Variants in CTIF observed in about 807,000 individuals in gnomAD.
CTIF encodes cap binding complex dependent translation initiation factor.
Under a neutral mutation model 66.0 loss-of-function variants are expected in CTIF, and 21 were observed. The ratio of observed to expected loss-of-function variants is 0.32; its 90% CI spans 0.23 to 0.46. The LOEUF (loss-of-function observed/expected upper bound fraction) is 0.46, where lower values mean the gene tolerates loss of function less well. Among genes scored for constraint, CTIF ranks in the 20% least tolerant of loss-of-function variants. The pLI, the probability that CTIF is intolerant of heterozygous loss-of-function variation, is 1.00. For missense variants in CTIF, 739 were observed against 812.7 expected, an observed-to-expected ratio of 0.91 and a Z score of 1.10; for synonymous variants, 345 against 326.4, an observed-to-expected ratio of 1.06 and a Z score of -0.62.
chr18:48,820,493 T>A lies in CTIF; in HGVS notation c.1527+3117T>A, dbSNP rs577448881. ...CACTTTGCCCTGAGATCCCCCCAAC[T>A]CCCAGAACCACCCGCAGGCCCACAT... On this transcript the variant is annotated intron_variant, in intron 10 of 11. Transcript: ENST00000256413. Among the ~76,000 whole-genome samples the A allele has an allele frequency of 2.0e-5, 3 of 151,940 alleles. No homozygotes were observed. The South Asian group carries it at 6.3e-4, about 32-fold the overall frequency.
At chr18:48,653,087 C>G (rs1462211533) in intron 3 of CTIF, among the ~76,000 whole-genome samples, 2 of 152,182 alleles carry the variant, frequency 1.3e-5, no homozygotes, top group Non-Finnish European at 2.9e-5. Context: ...GATGCCCTCT[C>G]TCACCACTCC....
At chr18:48,558,576 G>A (rs544270186) in intron 1 of CTIF, among the ~76,000 whole-genome samples, 2 of 152,196 alleles carry the variant, frequency 1.3e-5, no homozygotes, top group Non-Finnish European at 2.9e-5. Context: ...TTGTAATTTC[G>A]AGTCACAAAA....
Position 48,636,696 on chromosome 18 carries a change from A to G in CTIF, c.252+11A>G. 1 of 1,584,198 alleles carries G rather than the reference A, an allele frequency of 6.3e-7. No individual in the cohort carries two copies. Among genetic ancestry groups the G allele is most frequent in the Non-Finnish European group, 8.6e-7 (1 of 1,167,840 alleles). ...GCCCCCCCACAGCAGGTAGGGAACC[A>G]GCTCTGCGCTCTGTCTGGGGGTGTC... On this transcript the variant is annotated intron_variant, in intron 3 of 11. Transcript: ENST00000256413.
intron 9 of CTIF, among the ~76,000 whole-genome samples, chr18:48,767,118 A>T (rs1488390216): frequency 1.3e-5 from 2 of 152,188 alleles, no homozygotes; most frequent in African/African-American, 4.8e-5. Flanking sequence ...ACTGCAGACT[A>T]GACTGACTAA....
intron 10 of CTIF, among the ~76,000 whole-genome samples, chr18:48,843,004 G>C (rs1421625164): frequency 6.6e-6 from 1 of 152,154 alleles, no homozygotes. Flanking sequence ...CCTTCTGCTT[G>C]CCCGGGGTCC....
intron 7 of CTIF, among the ~76,000 whole-genome samples, chr18:48,744,122 C>G (rs1443741667): frequency 6.6e-6 from 1 of 152,154 alleles, no homozygotes; most frequent in Non-Finnish European, 1.5e-5. Flanking sequence ...GGTTTGGCCA[C>G]CCTTCAGACT....
At chr18:48,688,702 T>A (rs1432493751) in intron 6 of CTIF, among the ~76,000 whole-genome samples, 1 of 152,178 alleles carries the variant, frequency 6.6e-6, no homozygotes, top group Non-Finnish European at 1.5e-5. Context: ...TTCCCACACA[T>A]CCTGTAGTTT....
At chr18:48,603,669 G>A (rs1341436678) in intron 1 of CTIF, among the ~76,000 whole-genome samples, 4 of 151,844 alleles carry the variant, frequency 2.6e-5, no homozygotes, top group Non-Finnish European at 5.9e-5. Context: ...ATGAATGGTG[G>A]GTAGGTGGGT....
chr18:48,671,347 T>C lies in CTIF; in HGVS notation c.507+603T>C, dbSNP rs2091531317. Among the ~76,000 whole-genome samples the C allele has an allele frequency of 1.3e-5, 2 of 152,154 alleles. 1 individual carries two copies. The highest frequency in any genetic ancestry group is 4.8e-5 in the African/African-American group (2 of 41,430). ...GTCTAGCTGCTCTCAGGAGTGTGAC[T>C]GGGCCTGCTGCAGGGGTGTAAAAGC... On this transcript the variant is annotated intron_variant, in intron 6 of 11. Coordinates refer to ENST00000256413, the MANE Select transcript of CTIF (RefSeq NM_014772.3).
chr18:48,636,272 C>T (rs1035963239), intron 2 of CTIF, among the ~76,000 whole-genome samples: 9 of 152,192 alleles, frequency 5.9e-5, no homozygotes, highest in Non-Finnish European at 1.0e-4. Flanking sequence ...TGGCTGAAGC[C>T]AGGTCAGGCG....
chr18:48,722,725 C>T (rs1341089443), intron 7 of CTIF, among the ~76,000 whole-genome samples: 2 of 152,068 alleles, frequency 1.3e-5, no homozygotes, highest in South Asian at 2.1e-4. Flanking sequence ...TGTAAGCACC[C>T]GGCCGTACCC....
Position 48,761,402 on chromosome 18 carries a change from G to A in CTIF, c.1084G>A (p.Val362Met), listed in dbSNP as rs202183503. The A allele has an allele frequency of 4.7e-5, 76 of 1,612,970 alleles. No individual in the cohort carries two copies. The highest frequency in any genetic ancestry group is 1.6e-4 in the Middle Eastern group (1 of 6,080). Residue 362 changes from valine to methionine, a missense_variant, in exon 9 of 12, where the codon GTG becomes ATG. Val to Met is a conservative substitution (Grantham distance 21). Transcript: ENST00000256413. The surrounding 1 kb of genome is among the most constrained non-coding windows in gnomAD (Gnocchi z 4.2). ...RRLKEKDEVA[V>M]ETTTPQQNKM... ...CCGACACCCCCAGGATGAAGTGGCC[G>A]TGGAGACGACCACTCCCCAGCAGAA...
intron 2 of CTIF, among the ~76,000 whole-genome samples, chr18:48,632,361 G>A (rs979373863): frequency 2.6e-5 from 4 of 152,172 alleles, no homozygotes; most frequent in African/African-American, 9.7e-5. Flanking sequence ...CCTGCTGGGG[G>A]TTGTGCCCGC....
rs184670553 is a variant in CTIF at position 48,761,884 on chromosome 18, T to G, written c.1371+195T>G. 2.6e-5 allele frequency among the ~76,000 whole-genome samples: 4 copies of G among 152,378 alleles called. No homozygotes were observed. Among genetic ancestry groups the G allele is most frequent in the South Asian group, 4.1e-4 (2 of 4,830 alleles). On this transcript the variant is annotated intron_variant, in intron 9 of 11. Coordinates refer to ENST00000256413, the MANE Select transcript of CTIF (RefSeq NM_014772.3). The surrounding 1 kb of genome is among the most constrained non-coding windows in gnomAD (Gnocchi z 4.2). ...GCGGCTGGATTTGTGTGTGTTTATG[T>G]GTGGGCTCCCTGGTTACAATGGACC...
intron 9 of CTIF, among the ~76,000 whole-genome samples, chr18:48,784,132 G>A (rs752335103): frequency 6.6e-6 from 1 of 152,236 alleles, no homozygotes; most frequent in Non-Finnish European, 1.5e-5. Flanking sequence ...ATCTGGTGGG[G>A]AATGCAGACA....
At chr18:48,803,009 T>C (rs1166227898) in intron 9 of CTIF, among the ~76,000 whole-genome samples, 1 of 152,260 alleles carries the variant, frequency 6.6e-6, no homozygotes, top group Non-Finnish European at 1.5e-5. Flanking sequence ...GCTTCGCGCC[T>C]GCCTAAGTGT....
chr18:48,637,499 C>T lies in CTIF; in HGVS notation c.252+814C>T, dbSNP rs2090846076. Among the ~76,000 whole-genome samples, 4 of 152,294 alleles carry T rather than the reference C, an allele frequency of 2.6e-5. No individual in the cohort carries two copies. The South Asian group carries it at 8.3e-4, about 32-fold the overall frequency. On this transcript the variant is annotated intron_variant, in intron 3 of 11. Coordinates refer to ENST00000256413, the MANE Select transcript of CTIF (RefSeq NM_014772.3). ...AAAGCGGAGGGAGCCCCTGCAGGCTCCTGCGAGGGGCCATGCCTGGTTTCA... is the reference window on the plus strand; with the variant it reads ...AAAGCGGAGGGAGCCCCTGCAGGCTTCTGCGAGGGGCCATGCCTGGTTTCA...
At chr18:48,699,634 ACGAAG>A (rs543363503) in intron 6 of CTIF, among the ~76,000 whole-genome samples, 74 of 152,348 alleles carry the variant, frequency 4.9e-4, no homozygotes, top group Non-Finnish European at 8.8e-4. Flanking sequence ...GCAAGTGCTT[ACGAAG>A]CCTCAGGTTG....
chr18:48,738,724 G>A (rs539737681), intron 7 of CTIF, among the ~76,000 whole-genome samples: 2 of 152,226 alleles, frequency 1.3e-5, no homozygotes, highest in East Asian at 3.9e-4. Flanking sequence ...TCCCACTTCC[G>A]TAGGCCTTCC....
Sources: allele counts gnomAD v4.1 joint callset (sites outside exome capture counted in the v4.1 genomes callset), GRCh38; gene constraint gnomAD v4.1.1; non-coding constraint Gnocchi (gnomAD v3.1); transcripts MANE v1.5; gene names NCBI Gene and HGNC (gene_info 2026-07-23, HGNC 2026-07-21).